Variants in CDH4 observed in about 807,000 individuals in gnomAD.
The protein encoded by CDH4 is cadherin-4.
CDH4 carries 33 observed loss-of-function variants against 86.0 expected under a neutral mutation model. The ratio of observed to expected loss-of-function variants is 0.38; its 90% CI spans 0.29 to 0.51. The LOEUF (loss-of-function observed/expected upper bound fraction) is 0.51, where lower values mean the gene tolerates loss of function less well. Ranked by LOEUF, CDH4 falls within the 20% of genes least tolerant of loss-of-function variation. CDH4 has a pLI of 0.86. For missense variants in CDH4, 1,114 were observed against 1,307.4 expected (o/e 0.85, Z 2.28); for synonymous variants, 555 against 549.4 (o/e 1.01, Z -0.14).
At chr20:61,822,627 G>T (rs1981107189) in intron 4 of CDH4, among the ~76,000 whole-genome samples, 1 of 152,172 alleles carries the variant, frequency 6.6e-6, no homozygotes, top group African/African-American at 2.4e-5. Flanking sequence ...GCAGTCAGTG[G>T]GAACATCTAG....
Position 61,829,889 on chromosome 20 carries a change from G to A in CDH4, c.577-14779G>A, listed in dbSNP as rs1981512948. On this transcript the variant is annotated intron_variant, in intron 4 of 15. Coordinates refer to ENST00000614565, the MANE Select transcript of CDH4 (RefSeq NM_001794.5). The surrounding 1 kb of genome is among the most constrained non-coding windows in gnomAD (Gnocchi z 4.2). Reference sequence around the variant, plus strand: ...CCTCCCGCCCCTAGCCTGCTGGGGTGGGAGGGACGAGGCTCCTGCCCGGCC... The same window carrying A: ...CCTCCCGCCCCTAGCCTGCTGGGGTAGGAGGGACGAGGCTCCTGCCCGGCC... Among the ~76,000 whole-genome samples the A allele has an allele frequency of 6.6e-6, 1 of 152,062 alleles. No individual in the cohort carries two copies. The highest frequency in any genetic ancestry group is 1.5e-5 in the Non-Finnish European group (1 of 67,986).
At chr20:61,400,385 A>G (rs113966715) in intron 2 of CDH4, among the ~76,000 whole-genome samples, 2,416 of 152,276 alleles carry the variant, frequency 0.016, 65 homozygotes, top group African/African-American at 0.055. Context: ...GTGGAAAGTG[A>G]TGCTGCACTG....
In CDH4 at chr20:61,881,397, C is replaced by G. The variant is rs115926237; in HGVS notation, c.1050+7497C>G. Among the ~76,000 whole-genome samples the G allele has an allele frequency of 8.5e-3, 1,290 of 152,308 alleles. 23 individuals are homozygous for G. The highest frequency in any genetic ancestry group is 0.029 in the African/African-American group (1,222 of 41,560). Reference sequence around the variant, plus strand: ...GGGCAGGGCTGCAGGAGAGAGAAGCCGTGGCTGCGGAAGAAATAAACCATT... The same window carrying G: ...GGGCAGGGCTGCAGGAGAGAGAAGCGGTGGCTGCGGAAGAAATAAACCATT... On this transcript the variant is annotated intron_variant, in intron 7 of 15. Coordinates refer to ENST00000614565, the MANE Select transcript of CDH4 (RefSeq NM_001794.5).
At chr20:61,736,937 AG>A (rs2088273691) in intron 2 of CDH4, among the ~76,000 whole-genome samples, 2 of 152,200 alleles carry the variant, frequency 1.3e-5, no homozygotes, top group Admixed American at 1.3e-4. Flanking sequence ...GGAAAGGGGA[AG>A]GGGAGACCGG....
At chr20:61,783,461 A>G (rs1451827091) in intron 4 of CDH4, among the ~76,000 whole-genome samples, 1 of 152,028 alleles carries the variant, frequency 6.6e-6, no homozygotes, top group African/African-American at 2.4e-5. Context: ...GTTCCTTGGG[A>G]CAGTTCTCGA....
intron 7 of CDH4, among the ~76,000 whole-genome samples, chr20:61,875,291 AGGG>A (rs754589968): frequency 8.5e-5 from 13 of 152,052 alleles, no homozygotes; most frequent in Non-Finnish European, 1.8e-4. Context: ...CTAAATCGTA[AGGG>A]GGTGGTGCCC....
rs908509920 is a variant in CDH4 at position 61,480,756 on chromosome 20, C to T, written c.169+225819C>T. On this transcript the variant is annotated intron_variant, in intron 2 of 15. Transcript: ENST00000614565. The surrounding 1 kb of genome is among the most constrained non-coding windows in gnomAD (Gnocchi z 5.2). Reference sequence around the variant, plus strand: ...GCCTGATGTTGCATTATCATTCCACCAAAAGAGGTCACGAGACTAGAATTG... The same window carrying T: ...GCCTGATGTTGCATTATCATTCCACTAAAAGAGGTCACGAGACTAGAATTG... Among the ~76,000 whole-genome samples the T allele has an allele frequency of 3.9e-5, 6 of 152,194 alleles. No homozygotes were observed. The highest frequency in any genetic ancestry group is 2.4e-5 in the African/African-American group (1 of 41,448).
At chr20:61,702,968 C>T (rs990901338) in intron 2 of CDH4, among the ~76,000 whole-genome samples, 2 of 152,160 alleles carry the variant, frequency 1.3e-5, no homozygotes, top group African/African-American at 4.8e-5. Flanking sequence ...AGGCTGTGTG[C>T]GTGCGGCCCT....
At chr20:61,685,231 C>T (rs907579826) in intron 2 of CDH4, among the ~76,000 whole-genome samples, 3 of 152,164 alleles carry the variant, frequency 2.0e-5, no homozygotes, top group East Asian at 3.9e-4. Flanking sequence ...GTCTCCCATG[C>T]GGTTTGGGTC....
At chr20:61,858,185 CTG>C (rs1286872430) in intron 6 of CDH4, among the ~76,000 whole-genome samples, 5 of 122,480 alleles carry the variant, frequency 4.1e-5, no homozygotes, top group African/African-American at 1.3e-4. Flanking sequence ...GTGTGTGTCT[CTG>C]TGTGTGTCTC....
At chr20:61,801,153 G>A (rs895408626) in intron 4 of CDH4, among the ~76,000 whole-genome samples, 1 of 152,162 alleles carries the variant, frequency 6.6e-6, no homozygotes, top group South Asian at 2.1e-4. Flanking sequence ...CCGTTGGGAG[G>A]TGTTGAGGGC....
intron 2 of CDH4, among the ~76,000 whole-genome samples, chr20:61,732,426 G>T (rs903405484): frequency 6.6e-6 from 1 of 152,136 alleles, no homozygotes; most frequent in African/African-American, 2.4e-5. Context: ...CACAGGCACT[G>T]CCCCATCCCT....
intron 2 of CDH4, among the ~76,000 whole-genome samples, chr20:61,572,866 T>TGGATGGAC (rs1221730212): frequency 0.015 from 2,291 of 150,466 alleles, 54 homozygotes; most frequent in African/African-American, 0.054. Context: ...GATGGATGGA[T>TGGATGGAC]GGACAGACAG....
chr20:61,282,675 C>T (rs1003829354), intron 2 of CDH4, among the ~76,000 whole-genome samples: 2 of 152,140 alleles, frequency 1.3e-5, no homozygotes, highest in Non-Finnish European at 2.9e-5. Context: ...CTTGTGCACA[C>T]GTGTGTGGCT....
intron 3 of CDH4, among the ~76,000 whole-genome samples, chr20:61,771,229 C>T (rs148163398): frequency 0.012 from 1,781 of 151,542 alleles, 40 homozygotes; most frequent in African/African-American, 0.039. Flanking sequence ...AGGCTGGTCT[C>T]GAACTCCTGA....
chr20:61,344,095 C>A (rs944768974), intron 2 of CDH4, among the ~76,000 whole-genome samples: 3 of 152,068 alleles, frequency 2.0e-5, no homozygotes, highest in Admixed American at 6.6e-5. Flanking sequence ...CCAGGAAGTT[C>A]CACGTGAGCG....
chr20:61,826,322 C>T (rs1378670684), intron 4 of CDH4, among the ~76,000 whole-genome samples: 1 of 152,244 alleles, frequency 6.6e-6, no homozygotes. Context: ...GCTAAGCTCC[C>T]GGCCCAGCGC....
intron 2 of CDH4, among the ~76,000 whole-genome samples, chr20:61,643,085 A>T (rs1488771202): frequency 6.6e-6 from 1 of 152,156 alleles, no homozygotes; most frequent in Non-Finnish European, 1.5e-5. Context: ...TTATAAAGAA[A>T]ATGAATGTCT....
At chr20:61,429,651 C>CTGGA (rs898795403) in intron 2 of CDH4, among the ~76,000 whole-genome samples, 2 of 130,422 alleles carry the variant, frequency 1.5e-5, no homozygotes, top group African/African-American at 6.0e-5. Context: ...GGGTGGGTAT[C>CTGGA]TGGATGGATG....
Sources: allele counts gnomAD v4.1 joint callset (sites outside exome capture counted in the v4.1 genomes callset), GRCh38; gene constraint gnomAD v4.1.1; non-coding constraint Gnocchi (gnomAD v3.1); transcripts MANE v1.5; gene names NCBI Gene and HGNC (gene_info 2026-07-23, HGNC 2026-07-21).